The following PPP3CA variants were observed in gnomAD, a reference collection of about 807,000 sequenced individuals.
PPP3CA encodes the protein protein phosphatase 3 catalytic subunit alpha.
In PPP3CA, 14 loss-of-function variants were observed where a neutral mutation model predicts 66.5. The observed-to-expected ratio is 0.21, with a 90% confidence interval of 0.14 to 0.33. The LOEUF (loss-of-function observed/expected upper bound fraction) is 0.33. Ranked by LOEUF, PPP3CA falls within the 10% of genes least tolerant of loss-of-function variation. The pLI is 1.00. For missense variants in PPP3CA, 317 were observed against 639.5 expected (o/e 0.50, Z 5.44); for synonymous variants, 232 against 226.2 (o/e 1.03, Z -0.23).
At chr4:101,185,356 G>A (rs1724378632) in intron 2 of PPP3CA, among the ~76,000 whole-genome samples, 1 of 152,110 alleles carries the variant, frequency 6.6e-6, no homozygotes, top group Non-Finnish European at 1.5e-5. Flanking sequence ...TAAATTATCT[G>A]AATTTCATTG....
At chr4:101,313,685 C>T (rs939516376) in intron 1 of PPP3CA, among the ~76,000 whole-genome samples, 6 of 152,118 alleles carry the variant, frequency 3.9e-5, no homozygotes, top group Admixed American at 1.3e-4. Flanking sequence ...TCAGACTGCA[C>T]AGCTGTCAAC....
chr4:101,299,857 C>A (rs1024847524), intron 1 of PPP3CA, among the ~76,000 whole-genome samples: 1 of 152,148 alleles, frequency 6.6e-6, no homozygotes, highest in Non-Finnish European at 1.5e-5. Flanking sequence ...CCTATATCAT[C>A]AAGGACCAGC....
intron 1 of PPP3CA, among the ~76,000 whole-genome samples, chr4:101,305,323 C>T (rs754649216): frequency 2.3e-4 from 35 of 152,224 alleles, no homozygotes; most frequent in Non-Finnish European, 3.8e-4. Context: ...ATTATTCTTT[C>T]AGTCACATGT....
chr4:101,192,418 T>C (rs1161061537), intron 2 of PPP3CA, among the ~76,000 whole-genome samples: 14 of 152,078 alleles, frequency 9.2e-5, no homozygotes, highest in Admixed American at 9.2e-4. Flanking sequence ...CAAAGATCCC[T>C]TCAACCCCCA....
At chr4:101,173,890 A>G (rs1723965922) in intron 2 of PPP3CA, among the ~76,000 whole-genome samples, 1 of 152,134 alleles carries the variant, frequency 6.6e-6, no homozygotes, top group Admixed American at 6.5e-5. Context: ...GTCTCAACAA[A>G]AAAATTTAAA....
chr4:101,053,687 T>C (rs1728105158), intron 10 of PPP3CA, among the ~76,000 whole-genome samples: 1 of 152,078 alleles, frequency 6.6e-6, no homozygotes, highest in African/African-American at 2.4e-5. Flanking sequence ...GAACTCATCT[T>C]TCTCCTGGAG....
At position 101,024,122 on chromosome 4, in the gene PPP3CA, C is replaced by T. The variant is rs992092421; in HGVS notation, c.*1743G>A. ...AGATGGCATCTGCTCTTTAAACAGGCTTCTCTTATCTGATTTGAGACACAA... is the reference window on the plus strand; with the variant it reads ...AGATGGCATCTGCTCTTTAAACAGGTTTCTCTTATCTGATTTGAGACACAA... On this transcript the variant is annotated 3_prime_UTR_variant, in exon 14 of 14. Coordinates refer to ENST00000394854, the MANE Select transcript of PPP3CA (RefSeq NM_000944.5). 17 of 152,208 alleles carry T rather than the reference C, an allele frequency of 1.1e-4. No homozygotes were observed. The highest frequency in any genetic ancestry group is 1.8e-4 in the Non-Finnish European group (12 of 68,028). The allele number at this position is 152,208 out of a possible 1,614,324, so 9.4% of individuals were successfully genotyped here. A position where few individuals can be genotyped will look rare whatever the true frequency, so the allele number is the denominator to read the frequency against.
rs56218352 is a variant in PPP3CA, at chr4:101,039,265, T to C, written c.1241+1217A>G. 5.7e-3 allele frequency among the ~76,000 whole-genome samples: 830 copies of C among 144,916 alleles called. 123 individuals are homozygous for C. The highest frequency in any genetic ancestry group is 9.6e-3 in the Non-Finnish European group (617 of 64,582). On this transcript the variant is annotated intron_variant, in intron 11 of 13. Transcript: ENST00000394854. ...GTCACCTATGCTTGCCCAAATACCATTACTCAGAAAGTTTTTTGTTGACCA... is the reference window on the plus strand; with the variant it reads ...GTCACCTATGCTTGCCCAAATACCACTACTCAGAAAGTTTTTTGTTGACCA...
At chr4:101,169,260 G>A (rs59088630) in intron 2 of PPP3CA, among the ~76,000 whole-genome samples, 103 of 152,282 alleles carry the variant, frequency 6.8e-4, no homozygotes, top group African/African-American at 2.3e-3. Context: ...AATAAAGCTC[G>A]TAAGTGAAAT....
At chr4:101,335,431 C>G (rs573822697) in intron 1 of PPP3CA, among the ~76,000 whole-genome samples, 9 of 152,040 alleles carry the variant, frequency 5.9e-5, no homozygotes, top group Non-Finnish European at 1.2e-4. Context: ...GCCCCACTAT[C>G]ACCACATGGT....
chr4:101,290,660 GT>G (rs1001828520), intron 1 of PPP3CA, among the ~76,000 whole-genome samples: 32 of 152,036 alleles, frequency 2.1e-4, no homozygotes, highest in Non-Finnish European at 1.0e-4. Flanking sequence ...AGACAACCCA[GT>G]ACAAGAGTCA....
chr4:101,288,203 T>G (rs1441433), intron 1 of PPP3CA, among the ~76,000 whole-genome samples: 28,735 of 152,068 alleles, frequency 0.19, 3,411 homozygotes, highest in East Asian at 0.5. Context: ...CCTACCAAAT[T>G]AATCAGTTAA....
intron 2 of PPP3CA, among the ~76,000 whole-genome samples, chr4:101,182,404 C>G (rs1297377215): frequency 6.6e-6 from 1 of 152,094 alleles, no homozygotes; most frequent in Non-Finnish European, 1.5e-5. Flanking sequence ...TCAAGAAAAT[C>G]TTTCCAGAAG....
chr4:101,262,597 GAT>G (rs1234845126), intron 1 of PPP3CA, among the ~76,000 whole-genome samples: 2 of 152,132 alleles, frequency 1.3e-5, no homozygotes, highest in Admixed American at 1.3e-4. Flanking sequence ...AAGAAAATGA[GAT>G]AGAGGCAGGT....
chr4:101,211,151 G>A (rs1170065292), intron 1 of PPP3CA, among the ~76,000 whole-genome samples: 1 of 152,138 alleles, frequency 6.6e-6, no homozygotes, highest in African/African-American at 2.4e-5. Flanking sequence ...AGATCGCACA[G>A]CAAATAAGCA....
intron 2 of PPP3CA, among the ~76,000 whole-genome samples, chr4:101,182,489 C>T (rs2110176435): frequency 6.6e-6 from 1 of 152,176 alleles, no homozygotes; most frequent in African/African-American, 2.4e-5. Context: ...AAAACCACAA[C>T]AACAAAACAG....
chr4:101,174,413 T>C (rs888291340), intron 2 of PPP3CA, among the ~76,000 whole-genome samples: 1 of 152,186 alleles, frequency 6.6e-6, no homozygotes. Context: ...GGTACACTTA[T>C]TTTTAAAAGA....
Position 101,280,273 on chromosome 4 carries a change from C to T in PPP3CA, c.58+66466G>A, listed in dbSNP as rs529699308. Among the ~76,000 whole-genome samples the T allele has an allele frequency of 7.9e-5, 12 of 152,232 alleles. No individual in the cohort carries two copies. The South Asian group carries it at 2.5e-3, about 32-fold the overall frequency. ...GAGCAGACGTAAGGAGGTGGGGAGA[C>T]TAAGCCATGTGGGTATCTGGGAGAA... is the stretch of plus-strand genomic sequence containing the variant. On this transcript the variant is annotated intron_variant, in intron 1 of 13. Transcript: ENST00000394854.
At chr4:101,099,802 C>A in intron 3 of PPP3CA, 80 bp from the exon 4 acceptor site, 1 of 731,280 alleles carries the variant, frequency 1.4e-6, no homozygotes, top group Non-Finnish European at 2.0e-6. Flanking sequence ...ATCATAAAGA[C>A]ATGAATAAAA....
Sources: gnomAD v4.1 joint callset for allele counts (sites outside exome capture counted in the v4.1 genomes callset) on GRCh38, gnomAD v4.1.1 for gene constraint, MANE v1.5 for transcripts, NCBI Gene and HGNC (gene_info 2026-07-23, HGNC 2026-07-21) for gene names.